HFM1: variants seen among roughly 807,000 people sequenced by gnomAD.
HFM1 encodes probable ATP-dependent DNA helicase HFM1.
HFM1 carries 169 observed loss-of-function variants against 192.1 expected under a neutral mutation model. The observed-to-expected ratio is 0.88, with a 90% CI of 0.78 to 1.00. HFM1 has a LOEUF of 1.00. Among genes scored for constraint, HFM1 ranks in the 50% least tolerant of loss-of-function variants. The pLI, the probability that HFM1 is intolerant of heterozygous loss-of-function variation, is 0.00. For missense variants in HFM1, 1,661 were observed against 1,668.0 expected, an observed-to-expected ratio of 1.00 and a Z score of 0.07; for synonymous variants, 525 against 537.8, an observed-to-expected ratio of 0.98 and a Z score of 0.33.
rs749395890 is a variant in HFM1, at chr1:91,273,745, C to T, written c.3739G>A (p.Val1247Ile). The part of the protein sequence containing the change: ...QWDQPEIYGK[V>I]RQEPSEYQDK... ...TGATATTCAGATGGTTCTTGTCTAA[C>T]TTTTCCATAGATTTCAGGCTGATCC... The change falls in exon 34 of 39, where the codon GTT (valine) becomes ATT (isoleucine). Residue 1247 changes from valine to isoleucine, a missense_variant. Physicochemically the swap from Val to Ile is conservative, Grantham distance 29 (BLOSUM62 3). Transcript: ENST00000370425. 14 of 1,599,040 alleles carry T rather than the reference C, an allele frequency of 8.8e-6. 1 individual carries two copies. The South Asian group carries it at 1.4e-4, about 16-fold the overall frequency.
At chr1:91,363,440 C>A (rs371358941) in intron 13 of HFM1, among the ~76,000 whole-genome samples, 2 of 151,016 alleles carry the variant, frequency 1.3e-5, no homozygotes, top group South Asian at 4.2e-4. Flanking sequence ...AAAAGCTCAA[C>A]ATCACTGATC....
intron 30 of HFM1, among the ~76,000 whole-genome samples, chr1:91,280,194 T>A (rs1470658179): frequency 6.6e-6 from 1 of 152,046 alleles, no homozygotes; most frequent in Non-Finnish European, 1.5e-5. Flanking sequence ...GCTGTTCTGG[T>A]CAGGAACGTT....
At chr1:91,277,766 CTAATATATAT>C (rs531394306) in intron 30 of HFM1, among the ~76,000 whole-genome samples, 59 of 114,056 alleles carry the variant, frequency 5.2e-4, no homozygotes, top group African/African-American at 2.0e-3. Flanking sequence ...ATAATATATA[CTAATATATAT>C]AATGTATATA....
intron 30 of HFM1, among the ~76,000 whole-genome samples, chr1:91,299,052 T>A (rs1165986560): frequency 6.6e-6 from 1 of 152,076 alleles, no homozygotes; most frequent in African/African-American, 2.4e-5. Context: ...CCATCTCACG[T>A]GCAGAGACAC....
intron 6 of HFM1, among the ~76,000 whole-genome samples, chr1:91,382,874 C>A (rs1265193709): frequency 6.6e-6 from 1 of 152,118 alleles, no homozygotes; most frequent in African/African-American, 2.4e-5. Context: ...AGCAGTGTCA[C>A]TGAAATAATG....
intron 28 of HFM1, 36 bp from the exon 29 acceptor site, chr1:91,314,096 A>G (rs1359493769): frequency 2.3e-5 from 28 of 1,234,670 alleles, no homozygotes; most frequent in Non-Finnish European, 3.2e-5. Context: ...TGATCCAAAC[A>G]CTGAATGAAA....
chr1:91,339,934 A>T (rs1407723898), intron 20 of HFM1, among the ~76,000 whole-genome samples: 1 of 152,206 alleles, frequency 6.6e-6, no homozygotes, highest in African/African-American at 2.4e-5. Flanking sequence ...AAAGGGAAAC[A>T]TATAAAGCTA....
chr1:91,364,959 C>T (rs1055925656), intron 13 of HFM1, among the ~76,000 whole-genome samples: 12 of 151,832 alleles, frequency 7.9e-5, no homozygotes, highest in Admixed American at 5.9e-4. Flanking sequence ...ATAGTATACA[C>T]ACACATACAC....
intron 20 of HFM1, among the ~76,000 whole-genome samples, chr1:91,339,204 A>C (rs1302594412): frequency 6.6e-6 from 1 of 151,590 alleles, no homozygotes; most frequent in Admixed American, 6.6e-5. Context: ...TTCTTGCCAG[A>C]AAGCAAGAAC....
intron 30 of HFM1, among the ~76,000 whole-genome samples, chr1:91,302,934 T>A (rs1055335973): frequency 1.2e-4 from 19 of 152,084 alleles, no homozygotes; most frequent in African/African-American, 2.7e-4. Context: ...TAATTTAAAA[T>A]TAAAATAAAA....
At chr1:91,317,589 T>C (rs1016504209) in intron 25 of HFM1, among the ~76,000 whole-genome samples, 3 of 152,170 alleles carry the variant, frequency 2.0e-5, no homozygotes, top group Non-Finnish European at 4.4e-5. Context: ...ATATTACTAC[T>C]TTGTCTAAGG....
intron 13 of HFM1, among the ~76,000 whole-genome samples, chr1:91,366,574 T>C (rs923457343): frequency 1.3e-5 from 2 of 152,258 alleles, no homozygotes; most frequent in Admixed American, 6.5e-5. Flanking sequence ...AGTTTTATAA[T>C]GAACTGGTCA....
intron 4 of HFM1, 76 bp downstream of exon 4, chr1:91,394,017 C>T (rs978737872): frequency 8.8e-6 from 7 of 791,500 alleles, no homozygotes; most frequent in African/African-American, 1.8e-5. Flanking sequence ...CACATTGTAC[C>T]ATATTTAATA....
At position 91,261,299 on chromosome 1, in the gene HFM1, A is replaced by G; in HGVS notation, c.4299T>C (p.Gly1433=). The G allele has an allele frequency of 7.4e-7, 1 of 1,351,832 alleles. No homozygotes were observed. The highest frequency in any genetic ancestry group is 9.8e-7 in the Non-Finnish European group (1 of 1,016,524). 83.7% of individuals were successfully genotyped at this position (1,351,832 alleles called of 1,614,324 possible). ...AAAGTATTTGTTTGTTTTAGAAAATACCATCAAATATTCCCAATAAAGACT... is the reference window on the plus strand; with the variant it reads ...AAAGTATTTGTTTGTTTTAGAAAATGCCATCAAATATTCCCAATAAAGACT... ...EMKSLLGIFD[G]IF is the part of the protein sequence containing the mutation. Residue 1433 remains glycine (G), a synonymous_variant, in exon 39 of 39, where the codon GGT becomes GGC. Coordinates refer to ENST00000370425, the MANE Select transcript of HFM1 (RefSeq NM_001017975.6).
chr1:91,300,256 G>A (rs1245741685), intron 30 of HFM1, among the ~76,000 whole-genome samples: 2 of 152,156 alleles, frequency 1.3e-5, no homozygotes, highest in Non-Finnish European at 2.9e-5. Context: ...TCTCTGAATA[G>A]ACCAATAACA....
Position 91,324,668 on chromosome 1 carries a change from A to G in HFM1, c.2427+7T>C, listed in dbSNP as rs776321206. On this transcript the variant is annotated splice_region_variant and intron_variant, in intron 21 of 38. Coordinates refer to ENST00000370425, the MANE Select transcript of HFM1 (RefSeq NM_001017975.6). ...ATGTATTTTTTTTCTAGTGAAAATT[A>G]ATTTACCAGATCTGATAAGGTTTCT... 1 of 1,286,634 alleles carries G rather than the reference A, an allele frequency of 7.8e-7. No homozygotes were observed. Among genetic ancestry groups the G allele is most frequent in the South Asian group, 1.2e-5 (1 of 82,140 alleles). The allele number at this position is 1,286,634 out of a possible 1,614,324, so 79.7% of individuals were successfully genotyped here.
At chr1:91,313,881 A>T in intron 29 of HFM1, 76 bp downstream of exon 29, 1 of 741,690 alleles carries the variant, frequency 1.3e-6, no homozygotes, top group Non-Finnish European at 2.2e-6. Flanking sequence ...GTTTTTCTGT[A>T]CCAGCATAAA....
intron 30 of HFM1, among the ~76,000 whole-genome samples, chr1:91,294,762 G>A (rs1312151511): frequency 6.6e-6 from 1 of 152,128 alleles, no homozygotes; most frequent in African/African-American, 2.4e-5. Flanking sequence ...ATGAGCTTTT[G>A]GCTGGTTTCC....
At chr1:91,273,896 C>A in intron 33 of HFM1, 81 bp from the exon 34 acceptor site, 1 of 769,608 alleles carries the variant, frequency 1.3e-6, no homozygotes. Flanking sequence ...TTCATATAAA[C>A]AAAAATAATG....
Sources: gnomAD v4.1 joint callset for allele counts (sites outside exome capture counted in the v4.1 genomes callset) on GRCh38, gnomAD v4.1.1 for gene constraint, MANE v1.5 for transcripts, NCBI Gene and HGNC (gene_info 2026-07-23, HGNC 2026-07-21) for gene names.